Variants in LRBA observed in about 807,000 individuals in gnomAD.
The protein encoded by LRBA is lipopolysaccharide-responsive and beige-like anchor protein.
A neutral mutation model predicts 330.0 loss-of-function variants in LRBA; 176 were observed. The ratio of observed to expected loss-of-function variants is 0.53; its 90% confidence interval spans 0.47 to 0.60. The LOEUF (loss-of-function observed/expected upper bound fraction) is 0.60. LRBA is among the 20% of genes least tolerant of loss of function. The pLI is 0.00. For synonymous variants in LRBA, 1,230 were observed against 1,193.0 expected (o/e 1.03, Z -0.64); for missense variants, 3,259 against 3,444.8 (o/e 0.95, Z 1.35).
At chr4:150,773,930 A>G (rs534368657) in intron 34 of LRBA, among the ~76,000 whole-genome samples, 1 of 152,322 alleles carries the variant, frequency 6.6e-6, no homozygotes, top group East Asian at 1.9e-4. Flanking sequence ...CCAAAGTCCA[A>G]TAATCTGATT....
At chr4:150,718,085 T>A (rs1728469259) in intron 36 of LRBA, among the ~76,000 whole-genome samples, 2 of 152,168 alleles carry the variant, frequency 1.3e-5, no homozygotes, top group South Asian at 4.1e-4. Context: ...CATGACATAA[T>A]TTTTTTCATA....
At chr4:150,789,046 C>A (rs1326823667) in intron 34 of LRBA, among the ~76,000 whole-genome samples, 1 of 152,118 alleles carries the variant, frequency 6.6e-6, no homozygotes, top group Non-Finnish European at 1.5e-5. Context: ...TGCACTCTAG[C>A]CTGGGTGACA....
intron 44 of LRBA, among the ~76,000 whole-genome samples, chr4:150,457,647 A>G (rs1754249944): frequency 6.6e-6 from 1 of 151,866 alleles, no homozygotes; most frequent in Admixed American, 6.6e-5. Flanking sequence ...CTTCTACTAA[A>G]TTCACTTTCT....
chr4:150,691,620 T>C (rs1784146202), intron 36 of LRBA, among the ~76,000 whole-genome samples: 1 of 152,234 alleles, frequency 6.6e-6, no homozygotes, highest in African/African-American at 2.4e-5. Context: ...AGTCGTCAAC[T>C]ACTTTGGAAA....
chr4:150,984,898 G>A (rs549080365), intron 2 of LRBA, among the ~76,000 whole-genome samples: 1 of 152,306 alleles, frequency 6.6e-6, no homozygotes, highest in South Asian at 2.1e-4. Context: ...CTTCCTAGCA[G>A]CAATTCTCTA....
Position 150,722,516 on chromosome 4 carries a change from A to G in LRBA, c.5754+12742T>C, listed in dbSNP as rs146864327. On this transcript the variant is annotated intron_variant, in intron 36 of 56. Coordinates refer to ENST00000651943, the MANE Select transcript of LRBA (RefSeq NM_001364905.1). ...ATTTAGACAATATGAAAATTAAAATATAACTAAAAATTAGGAGGTGAGGGG... is the reference window on the plus strand; with the variant it reads ...ATTTAGACAATATGAAAATTAAAATGTAACTAAAAATTAGGAGGTGAGGGG... Among the ~76,000 whole-genome samples the G allele has an allele frequency of 7.8e-3, 1,189 of 152,272 alleles. 11 individuals are homozygous for G. Among genetic ancestry groups the G allele is most frequent in the African/African-American group, 0.027 (1,130 of 41,548 alleles).
chr4:150,271,986 T>G (rs1746179877), intron 56 of LRBA, among the ~76,000 whole-genome samples: 1 of 152,198 alleles, frequency 6.6e-6, no homozygotes, highest in African/African-American at 2.4e-5. Context: ...GCAGTGGATC[T>G]CCCAGGACAG....
At chr4:150,913,531 A>G (rs1322324844) in intron 9 of LRBA, among the ~76,000 whole-genome samples, 1 of 152,214 alleles carries the variant, frequency 6.6e-6, no homozygotes, top group African/African-American at 2.4e-5. Context: ...TGTTATGTAT[A>G]CTACTGCTAA....
chr4:150,696,118 T>C (rs1240502824), intron 36 of LRBA, among the ~76,000 whole-genome samples: 1 of 152,064 alleles, frequency 6.6e-6, no homozygotes, highest in African/African-American at 2.4e-5. Context: ...TAGTCCTAGC[T>C]ACTTGGGAGG....
At chr4:150,331,191 G>T (rs564047616) in intron 48 of LRBA, among the ~76,000 whole-genome samples, 1 of 152,146 alleles carries the variant, frequency 6.6e-6, no homozygotes, top group African/African-American at 2.4e-5. Flanking sequence ...TCCCTCAAGT[G>T]ATTATGTTTC....
At chr4:150,799,170 C>G (rs1443186548) in intron 33 of LRBA, among the ~76,000 whole-genome samples, 1 of 152,120 alleles carries the variant, frequency 6.6e-6, no homozygotes, top group Admixed American at 6.5e-5. Context: ...CTGTTCACCC[C>G]CTTCGTTTTT....
intron 56 of LRBA, among the ~76,000 whole-genome samples, chr4:150,275,018 C>G (rs945078405): frequency 6.6e-6 from 1 of 152,106 alleles, no homozygotes; most frequent in East Asian, 1.9e-4. Context: ...AACATCAATG[C>G]GAAAATCCTC....
intron 44 of LRBA, among the ~76,000 whole-genome samples, chr4:150,448,966 G>A (rs1009111851): frequency 1.3e-5 from 2 of 152,148 alleles, no homozygotes; most frequent in African/African-American, 4.8e-5. Context: ...CTCTCCCATT[G>A]CTCATGAGAG....
At chr4:150,913,578 T>C (rs1732252769) in intron 9 of LRBA, among the ~76,000 whole-genome samples, 1 of 152,260 alleles carries the variant, frequency 6.6e-6, no homozygotes, top group Non-Finnish European at 1.5e-5. Flanking sequence ...GTCTTCTGTT[T>C]ACTTATTGAT....
chr4:150,345,407 A>G (rs1736149984), intron 48 of LRBA, among the ~76,000 whole-genome samples: 1 of 152,234 alleles, frequency 6.6e-6, no homozygotes, highest in African/African-American at 2.4e-5. Flanking sequence ...GGTCTCTGAT[A>G]ACTTCTCTAG....
intron 12 of LRBA, 43 bp from the exon 13 acceptor site, chr4:150,906,033 A>G: frequency 6.4e-7 from 1 of 1,567,556 alleles, no homozygotes; most frequent in East Asian, 2.2e-5. Flanking sequence ...ATTCAAGTCA[A>G]AGTAAGTGAA....
chr4:150,359,791 C>G (rs1157665841), intron 47 of LRBA, among the ~76,000 whole-genome samples: 1 of 151,766 alleles, frequency 6.6e-6, no homozygotes, highest in Admixed American at 6.6e-5. Flanking sequence ...CCAGCCTGGC[C>G]AACACAGTGA....
intron 34 of LRBA, among the ~76,000 whole-genome samples, chr4:150,780,785 T>C (rs946984605): frequency 6.6e-6 from 1 of 151,076 alleles, no homozygotes; most frequent in Non-Finnish European, 1.5e-5. Context: ...ACCAGTTTCA[T>C]GGAAGACAAT....
intron 30 of LRBA, among the ~76,000 whole-genome samples, chr4:150,826,234 T>A (rs1187358050): frequency 1.3e-5 from 2 of 152,158 alleles, no homozygotes; most frequent in East Asian, 3.9e-4. Context: ...AGGCAACAGA[T>A]GAGTTCCTAG....
Sources: allele counts gnomAD v4.1 joint callset (sites outside exome capture counted in the v4.1 genomes callset), GRCh38; gene constraint gnomAD v4.1.1; transcripts MANE v1.5; gene names NCBI Gene and HGNC (gene_info 2026-07-23, HGNC 2026-07-21).